Variants in KAZN observed in about 807,000 individuals in gnomAD.
KAZN encodes the protein kazrin, periplakin interacting protein.
KAZN carries 40 observed loss-of-function variants against 87.4 expected under a neutral mutation model. The observed-to-expected ratio is 0.46, with a 90% CI of 0.36 to 0.60. The LOEUF is 0.60. Ranked by LOEUF, KAZN falls within the 20% of genes least tolerant of loss-of-function variation. The pLI, the probability that KAZN is intolerant of heterozygous loss-of-function variation, is 0.00. For missense variants in KAZN, 898 were observed against 1,073.9 expected (o/e 0.84, Z 2.29); for synonymous variants, 466 against 458.3 (o/e 1.02, Z -0.22).
At chr1:14,656,660 G>A (rs1003901653) in intron 1 of KAZN, among the ~76,000 whole-genome samples, 4 of 152,214 alleles carry the variant, frequency 2.6e-5, no homozygotes, top group African/African-American at 9.6e-5. Context: ...GGGGAAGCAG[G>A]CACAGTCTTA....
At chr1:14,492,124 G>C (rs116567302) in intron 2 of KAZN, among the ~76,000 whole-genome samples, 103 of 152,296 alleles carry the variant, frequency 6.8e-4, no homozygotes, top group Middle Eastern at 3.4e-3. Flanking sequence ...GACAGCAGTA[G>C]ATCCTAGAAG....
chr1:14,032,646 A>G (rs1222147557), intron 1 of KAZN, among the ~76,000 whole-genome samples: 5 of 152,110 alleles, frequency 3.3e-5, no homozygotes, highest in Non-Finnish European at 5.9e-5. Flanking sequence ...GATTGTTCTG[A>G]ATTTCCAACA....
At chr1:14,655,889 T>G (rs1335960611) in intron 1 of KAZN, among the ~76,000 whole-genome samples, 1 of 152,130 alleles carries the variant, frequency 6.6e-6, no homozygotes, top group Non-Finnish European at 1.5e-5. Context: ...AGGGTTTTAC[T>G]GGGGGCTTAC....
rs542490903 is a variant in KAZN, at chr1:14,400,197, C to T, written c.250-198786C>T. Among the ~76,000 whole-genome samples the T allele has an allele frequency of 3.5e-3, 539 of 152,148 alleles. 4 individuals are homozygous for T. Among genetic ancestry groups the T allele is most frequent in the African/African-American group, 0.013 (527 of 41,510 alleles). On this transcript the variant is annotated intron_variant, in intron 2 of 16. Transcript: ENST00000636203. ...TTTGTTCACATGTCTTTCTTTGATG[C>T]CAGCTCAGGCAGTATTTGTCCTGAG...
At chr1:14,075,210 C>A (rs765519360) in intron 1 of KAZN, among the ~76,000 whole-genome samples, 66 of 152,086 alleles carry the variant, frequency 4.3e-4, no homozygotes, top group Non-Finnish European at 7.2e-4. Flanking sequence ...TTACAAAAAT[C>A]CTCAGTGCAA....
Position 14,235,299 on chromosome 1 carries a change from G to A in KAZN, c.249+54707G>A, listed in dbSNP as rs1648303338. 2.6e-5 allele frequency among the ~76,000 whole-genome samples: 4 copies of A among 152,126 alleles called. No individual in the cohort carries two copies. The South Asian group carries it at 8.3e-4, about 32-fold the overall frequency. ...GAAATATTATTCATCCATAAAAAAGGATGAACTACTATAACATGGATGAAG... is the reference window on the plus strand; with the variant it reads ...GAAATATTATTCATCCATAAAAAAGAATGAACTACTATAACATGGATGAAG... On this transcript the variant is annotated intron_variant, in intron 2 of 16. Coordinates refer to the KAZN transcript ENST00000636203.
chr1:14,930,310 T>G (rs1048597540), intron 1 of KAZN, among the ~76,000 whole-genome samples: 1 of 152,240 alleles, frequency 6.6e-6, no homozygotes, highest in South Asian at 2.1e-4. Flanking sequence ...AGGCATTCAC[T>G]GTGTTCACTA....
At chr1:14,801,084 G>T (rs1239989031) in intron 1 of KAZN, among the ~76,000 whole-genome samples, 1 of 151,708 alleles carries the variant, frequency 6.6e-6, no homozygotes, top group Admixed American at 6.6e-5. Context: ...GAGAAAAAGA[G>T]TCACGGGGCG....
chr1:13,999,186 A>T (rs1261408703), intron 1 of KAZN, among the ~76,000 whole-genome samples: 3 of 152,112 alleles, frequency 2.0e-5, no homozygotes, highest in African/African-American at 4.8e-5. Flanking sequence ...CATCTCTGCT[A>T]AAAATAGAAA....
intron 2 of KAZN, among the ~76,000 whole-genome samples, chr1:14,442,135 ACTC>A (rs1435440132): frequency 6.6e-6 from 1 of 152,130 alleles, no homozygotes; most frequent in African/African-American, 2.4e-5. Flanking sequence ...TTCTGACAAT[ACTC>A]CTGCCCACCT....
rs568726622 is a variant in KAZN at position 13,968,522 on chromosome 1, G to A, written c.91+74766G>A. Among the ~76,000 whole-genome samples the A allele has an allele frequency of 7.2e-5, 11 of 152,230 alleles. No individual in the cohort carries two copies. The South Asian group carries it at 1.9e-3, about 26-fold the overall frequency. On this transcript the variant is annotated intron_variant, in intron 1 of 16. Coordinates refer to the KAZN transcript ENST00000636203. ...ACTCCTTCCCTGCAAAACTCCTCAC[G>A]TGACGGGTCTACACTTCCTATCTAC...
At chr1:14,336,769 C>T (rs564294850) in intron 2 of KAZN, among the ~76,000 whole-genome samples, 83 of 152,216 alleles carry the variant, frequency 5.5e-4, no homozygotes, top group African/African-American at 2.0e-3. Flanking sequence ...AAATGTCTAT[C>T]CAAGTCCTTT....
intron 2 of KAZN, among the ~76,000 whole-genome samples, chr1:14,592,816 C>G (rs990254263): frequency 2.0e-5 from 3 of 152,244 alleles, no homozygotes; most frequent in Non-Finnish European, 4.4e-5. Flanking sequence ...AGCCTTCCCC[C>G]TTTCCACCTT....
chr1:14,505,481 G>A (rs1157683871), intron 2 of KAZN, among the ~76,000 whole-genome samples: 1 of 152,098 alleles, frequency 6.6e-6, no homozygotes. Context: ...AGTTCACTAG[G>A]GTTGAAGACA....
chr1:14,167,206 G>C (rs1329480162), intron 1 of KAZN, among the ~76,000 whole-genome samples: 2 of 152,356 alleles, frequency 1.3e-5, no homozygotes, highest in Non-Finnish European at 2.9e-5. Flanking sequence ...TCAGGGGACA[G>C]AGCAGGAATC....
At chr1:14,479,279 G>A (rs1236463167) in intron 2 of KAZN, among the ~76,000 whole-genome samples, 1 of 152,132 alleles carries the variant, frequency 6.6e-6, no homozygotes, top group East Asian at 1.9e-4. Flanking sequence ...ATCAGACATG[G>A]GCTAAGGGAT....
intron 1 of KAZN, among the ~76,000 whole-genome samples, chr1:13,932,437 T>G (rs2100938995): frequency 6.6e-6 from 1 of 151,950 alleles, no homozygotes; most frequent in East Asian, 1.9e-4. Flanking sequence ...ATTTTTTGTA[T>G]TTTTAGTAGA....
chr1:14,109,813 C>CTTTTTTTTTTTGAGATG lies in KAZN; in HGVS notation c.92-70622_92-70621insTTTTTTTTTTTGAGATG, dbSNP rs1289460974. ...CTGAAAATGCCATTCCTTATCAAAA[C>CTTTTTTTTTTTGAGATG]GATTTCAGCGTCAAGTAGGAGCTGT... On this transcript the variant is annotated intron_variant, in intron 1 of 16. Coordinates refer to the KAZN transcript ENST00000636203. 1.8e-3 allele frequency among the ~76,000 whole-genome samples: 229 copies of CTTTTTTTTTTTGAGATG among 125,120 alleles called. 1 individual carries two copies. The highest frequency in any genetic ancestry group is 3.4e-3 in the East Asian group (12 of 3,512). 82.1% of individuals were successfully genotyped at this position (125,120 alleles called of 152,430 possible).
chr1:14,138,710 C>T (rs1645164818), intron 1 of KAZN, among the ~76,000 whole-genome samples: 2 of 152,242 alleles, frequency 1.3e-5, no homozygotes, highest in South Asian at 2.1e-4. Context: ...GCACCATCTC[C>T]ATCCATGCCA....
Sources: gnomAD v4.1 joint callset for allele counts (sites outside exome capture counted in the v4.1 genomes callset) on GRCh38, gnomAD v4.1.1 for gene constraint, MANE v1.5 for transcripts, NCBI Gene and HGNC (gene_info 2026-07-23, HGNC 2026-07-21) for gene names.